The following IFNA2 variants were observed in gnomAD, a reference collection of about 807,000 sequenced individuals.
IFNA2 encodes interferon alpha-2.
For synonymous variants in IFNA2, 91 were observed against 80.7 expected (o/e 1.13, Z -0.68); for missense variants, 260 against 210.3 (o/e 1.24, Z -1.46).
Position 21,385,035 on chromosome 9 carries a change from A to T in IFNA2, c.295T>A (p.Trp99Arg). Residue 99 changes from tryptophan (W) to arginine (R), a missense_variant, in exon 1 of 1, where the codon TGG (tryptophan) becomes AGG (arginine). Physicochemically the swap from Trp to Arg is moderately radical, Grantham distance 101. Transcript: ENST00000380206. ...LFSTKDSSAA[W>R]DETLLDKFYT... ...AATTTGTCTAGGAGGGTCTCATCCC[A>T]AGCAGCAGATGAGTCCTTTGTGCTG... The T allele has an allele frequency of 6.2e-7, 1 of 1,613,968 alleles. No individual in the cohort carries two copies. The highest frequency in any genetic ancestry group is 8.5e-7 in the Non-Finnish European group (1 of 1,179,952).
Position 21,384,912 on chromosome 9 carries a change from G to A in IFNA2, c.418C>T (p.Leu140=). Residue 140 remains leucine (L), a synonymous_variant, in exon 1 of 1, where the codon CTG becomes TTG. Coordinates refer to ENST00000380206, the MANE Select transcript of IFNA2 (RefSeq NM_000605.4). ...CTTTGGAAGTATTTCCTCACAGCCA[G>A]AATGGAGTCCTCCTTCATCAGGGGA... ...ETPLMKEDSI[L]AVRKYFQRIT... The A allele has an allele frequency of 1.2e-6, 2 of 1,614,058 alleles. No homozygotes were observed. The highest frequency in any genetic ancestry group is 1.7e-6 in the Non-Finnish European group (2 of 1,179,974).
chr9:21,384,874 A>C, the IFNA2 span: 1 of 1,614,118 alleles, frequency 6.2e-7, no homozygotes, highest in Non-Finnish European at 8.5e-7. Context: ...TCTCTTTCAG[A>C]TAGAGAGTGA....
chr9:21,385,142 T>A lies in IFNA2; in HGVS notation c.188A>T (p.Gln63Leu), dbSNP rs1284620957. ...TTGGAACTGGTTGCCAAACTCCTCC[T>A]GGGGAAATCCAAAGTCATGTCTGTC... is the stretch of plus-strand genomic sequence containing the variant. ...LKDRHDFGFP[Q>L]EEFGNQFQKA... The change falls in exon 1 of 1, where the codon CAG becomes CTG. Residue 63 changes from glutamine (Q) to leucine (L), a missense_variant. Physicochemically the swap from Gln to Leu is moderately radical, Grantham distance 113 (BLOSUM62 -2). Coordinates refer to ENST00000380206, the MANE Select transcript of IFNA2 (RefSeq NM_000605.4). 6.2e-7 allele frequency: 1 copy of A among 1,614,016 alleles called. No homozygotes were observed. Among genetic ancestry groups the A allele is most frequent in the East Asian group, 2.2e-5 (1 of 44,860 alleles).
Position 21,385,175 on chromosome 9 carries a change from C to G in IFNA2, c.155G>C (p.Cys52Ser). 1 of 1,613,936 alleles carries G rather than the reference C, an allele frequency of 6.2e-7. No individual in the cohort carries two copies. Among genetic ancestry groups the G allele is most frequent in the Non-Finnish European group, 8.5e-7 (1 of 1,179,978 alleles). The change falls in exon 1 of 1, where the codon TGC becomes TCC. Residue 52 changes from cysteine (C) to serine (S), a missense_variant. Physicochemically the swap from Cys to Ser is moderately radical, Grantham distance 112 (BLOSUM62 -1). Transcript: ENST00000380206. ...AQMRRISLFS[C>S]LKDRHDFGFP... Reference sequence around the variant, plus strand: ...TCCAAAGTCATGTCTGTCCTTCAAGCAGGAGAAAAGAGAGATTCTCCTCAT... The same window carrying G: ...TCCAAAGTCATGTCTGTCCTTCAAGGAGGAGAAAAGAGAGATTCTCCTCAT...
chr9:21,384,741 C>G lies in IFNA2; in HGVS notation c.*22G>C, dbSNP rs1470289802. ...AGCTGGCATACGAATCAATGAAAAT[C>G]ATTTCCATGTTGAACCAGTTTTCAT... On this transcript the variant is annotated 3_prime_UTR_variant, in exon 1 of 1. Coordinates refer to ENST00000380206, the MANE Select transcript of IFNA2 (RefSeq NM_000605.4). The G allele has an allele frequency of 6.4e-7, 1 of 1,563,818 alleles. No homozygotes were observed. The highest frequency in any genetic ancestry group is 2.2e-5 in the East Asian group (1 of 44,532).
chr9:21,385,356 T>G lies in IFNA2; in HGVS notation c.-27A>C, dbSNP rs1185152968. On this transcript the variant is annotated 5_prime_UTR_variant, in exon 1 of 1. Coordinates refer to ENST00000380206, the MANE Select transcript of IFNA2 (RefSeq NM_000605.4). ...GTAGATGTTGCAGATGCTGCTAGAC[T>G]GGTTGAAATGGGTGAGCCTAAACCT... 1 of 1,562,536 alleles carries G rather than the reference T, an allele frequency of 6.4e-7. No individual in the cohort carries two copies. The highest frequency in any genetic ancestry group is 1.2e-5 in the South Asian group (1 of 83,246).
rs777400045 is a variant in IFNA2 at position 21,385,228 on chromosome 9, G to A, written c.102C>T (p.Ser34=). The change falls in exon 1 of 1, where the codon AGC becomes AGT. Residue 34 remains serine, a synonymous_variant. Transcript: ENST00000380206. ...GTGCCAGGAGCATCAAGGTCCTCCTGCTACCCAGGCTGTGGGTTTGAGGCA... is the reference window on the plus strand; with the variant it reads ...GTGCCAGGAGCATCAAGGTCCTCCTACTACCCAGGCTGTGGGTTTGAGGCA... The part of the protein sequence containing the change: ...CDLPQTHSLG[S]RRTLMLLAQM... The A allele has an allele frequency of 3.7e-6, 6 of 1,614,024 alleles. No individual in the cohort carries two copies. Among genetic ancestry groups the A allele is most frequent in the Admixed American group, 1.7e-5 (1 of 59,992 alleles).
chr9:21,385,331 G>A lies in IFNA2; in HGVS notation c.-2C>T. 1.2e-6 allele frequency: 2 copies of A among 1,606,678 alleles called. No homozygotes were observed. Among genetic ancestry groups the A allele is most frequent in the East Asian group, 2.2e-5 (1 of 44,878 alleles). ...CAGTAAAGCAAAGGTCAAGGCCATT[G>A]TAGATGTTGCAGATGCTGCTAGACT... On this transcript the variant is annotated 5_prime_UTR_variant, in exon 1 of 1. Transcript: ENST00000380206.
rs917629264 is a variant in IFNA2 at position 21,384,844 on chromosome 9, G to T, written c.486C>A (p.Ala162=). 1 of 1,613,992 alleles carries T rather than the reference G, an allele frequency of 6.2e-7. No individual in the cohort carries two copies. The highest frequency in any genetic ancestry group is 1.1e-5 in the South Asian group (1 of 91,062). The change falls in exon 1 of 1, where the codon GCC becomes GCA. Residue 162 remains alanine (A), a synonymous_variant. Coordinates refer to ENST00000380206, the MANE Select transcript of IFNA2 (RefSeq NM_000605.4). Reference sequence around the variant, plus strand: ...TGATTTCTGCTCTGACAACCTCCCAGGCACAAGGGCTGTATTTCTTCTCTT... The same window carrying T: ...TGATTTCTGCTCTGACAACCTCCCATGCACAAGGGCTGTATTTCTTCTCTT... The part of the protein sequence containing the change: ...YLKEKKYSPC[A]WEVVRAEIMR...
In IFNA2 at chr9:21,384,701, G is replaced by T. The variant is rs987046570; in HGVS notation, c.*62C>A. 4.2e-6 allele frequency: 6 copies of T among 1,444,836 alleles called. No homozygotes were observed. The highest frequency in any genetic ancestry group is 1.4e-5 in the African/African-American group (1 of 70,138). 89.5% of individuals were successfully genotyped at this position (1,444,836 alleles called of 1,614,324 possible). A position where few individuals can be genotyped will look rare whatever the true frequency, so the allele number is the denominator to read the frequency against. ...AGAAACATGAGTCTTTGAAATGGCA[G>T]ATCATAAAAAGGTGAGCTGGCATAC... is the stretch of plus-strand genomic sequence containing the variant. On this transcript the variant is annotated 3_prime_UTR_variant, in exon 1 of 1. Transcript: ENST00000380206.
chr9:21,385,108 T>G lies in IFNA2; in HGVS notation c.222A>C (p.Glu74Asp), dbSNP rs1431596530. 17 of 1,613,844 alleles carry G rather than the reference T, an allele frequency of 1.1e-5. No individual in the cohort carries two copies. Among genetic ancestry groups the G allele is most frequent in the Non-Finnish European group, 1.4e-5 (16 of 1,179,970 alleles). ...EEFGNQFQKA[E>D]TIPVLHEMIQ... ...TCATCTCATGGAGGACAGGGATGGT[T>G]TCAGCCTTTTGGAACTGGTTGCCAA... The change falls in exon 1 of 1, where the codon GAA becomes GAC. Residue 74 changes from glutamate (E) to aspartate (D), a missense_variant. By Grantham distance (45) the Glu-to-Asp change is conservative. Transcript: ENST00000380206.
Position 21,384,674 on chromosome 9 carries a change from G to A in IFNA2, c.*89C>T, listed in dbSNP as rs1820856098. On this transcript the variant is annotated 3_prime_UTR_variant, in exon 1 of 1. Transcript: ENST00000380206. ...AGATTTAAATCGTGTCATGGTCATA[G>A]CAGAAACATGAGTCTTTGAAATGGC... The A allele has an allele frequency of 4.7e-6, 6 of 1,289,648 alleles. No individual in the cohort carries two copies. The highest frequency in any genetic ancestry group is 2.0e-4 in the Middle Eastern group (1 of 5,012). 79.9% of individuals were successfully genotyped at this position (1,289,648 alleles called of 1,614,324 possible).
Position 21,384,936 on chromosome 9 carries a change from G to T in IFNA2, c.394C>A (p.Pro132Thr), listed in dbSNP as rs1446784148. 2 of 1,613,990 alleles carry T rather than the reference G, an allele frequency of 1.2e-6. No individual in the cohort carries two copies. Among genetic ancestry groups the T allele is most frequent in the African/African-American group, 1.3e-5 (1 of 74,998 alleles). ...AGAATGGAGTCCTCCTTCATCAGGG[G>T]AGTCTCTGTCACCCCCACCCCCTGT... ...VIQGVGVTET[P>T]LMKEDSILAV... Residue 132 changes from proline to threonine, a missense_variant, in exon 1 of 1, where the codon CCC becomes ACC. Coordinates refer to ENST00000380206, the MANE Select transcript of IFNA2 (RefSeq NM_000605.4).
chr9:21,385,388 C>T lies in IFNA2; in HGVS notation c.-59G>A. ...AATGGGTGAGCCTAAACCTTAGGCTCCAGGTTCTCTGAAGACCTTGCTTTG... is the reference window on the plus strand; with the variant it reads ...AATGGGTGAGCCTAAACCTTAGGCTTCAGGTTCTCTGAAGACCTTGCTTTG... On this transcript the variant is annotated 5_prime_UTR_variant, in exon 1 of 1. Transcript: ENST00000380206. The T allele has an allele frequency of 7.1e-7, 1 of 1,403,950 alleles. No individual in the cohort carries two copies. The allele number at this position is 1,403,950 out of a possible 1,614,324, so 87.0% of individuals were successfully genotyped here. A position where few individuals can be genotyped will look rare whatever the true frequency, so the allele number is the denominator to read the frequency against.
Position 21,384,917 on chromosome 9 carries a change from G to C in IFNA2, c.413C>G (p.Ser138Cys), listed in dbSNP as rs377274496. ...VTETPLMKEDSILAVRKYFQR... is the reference protein window; with the variant it reads ...VTETPLMKEDCILAVRKYFQR... ...GAAGTATTTCCTCACAGCCAGAATGGAGTCCTCCTTCATCAGGGGAGTCTC... is the reference window on the plus strand; with the variant it reads ...GAAGTATTTCCTCACAGCCAGAATGCAGTCCTCCTTCATCAGGGGAGTCTC... The change falls in exon 1 of 1, where the codon TCC (serine) becomes TGC (cysteine). Residue 138 changes from serine to cysteine, a missense_variant. Transcript: ENST00000380206. 8.7e-6 allele frequency: 14 copies of C among 1,613,842 alleles called. 1 individual carries two copies. The African/African-American group carries it at 1.9e-4, about 22-fold the overall frequency.
In IFNA2 at chr9:21,384,874, A is replaced by G. The variant is rs375760407; in HGVS notation, c.456T>C (p.Tyr152=). The change falls in exon 1 of 1, where the codon TAT becomes TAC. Residue 152 remains tyrosine, a synonymous_variant. Coordinates refer to ENST00000380206, the MANE Select transcript of IFNA2 (RefSeq NM_000605.4). ...AAGGGCTGTATTTCTTCTCTTTCAG[A>G]TAGAGAGTGATTCTTTGGAAGTATT... ...VRKYFQRITL[Y]LKEKKYSPCA... is the part of the protein sequence containing the mutation. 7 of 1,614,000 alleles carry G rather than the reference A, an allele frequency of 4.3e-6. No individual in the cohort carries two copies. In the African/African-American group the frequency reaches 5.3e-5, roughly 12 times the overall value.
chr9:21,385,090 A>T lies in IFNA2; in HGVS notation c.240T>A (p.His80Gln). The change falls in exon 1 of 1, where the codon CAT (histidine) becomes CAA (glutamine). Residue 80 changes from histidine (H) to glutamine (Q), a missense_variant. His to Gln is a conservative substitution (Grantham distance 24). Transcript: ENST00000380206. ...FQKAETIPVL[H>Q]EMIQQIFNLF... is the part of the protein sequence containing the mutation. ...GATTGAAGATCTGCTGGATCATCTC[A>T]TGGAGGACAGGGATGGTTTCAGCCT... The T allele has an allele frequency of 1.2e-6, 2 of 1,613,984 alleles. No homozygotes were observed. The highest frequency in any genetic ancestry group is 1.7e-6 in the Non-Finnish European group (2 of 1,179,974).
At position 21,384,701 on chromosome 9, in the gene IFNA2, G is replaced by A. The variant is rs987046570; in HGVS notation, c.*62C>T. ...AGAAACATGAGTCTTTGAAATGGCA[G>A]ATCATAAAAAGGTGAGCTGGCATAC... is the stretch of plus-strand genomic sequence containing the variant. On this transcript the variant is annotated 3_prime_UTR_variant, in exon 1 of 1. Coordinates refer to ENST00000380206, the MANE Select transcript of IFNA2 (RefSeq NM_000605.4). The A allele has an allele frequency of 6.9e-7, 1 of 1,444,954 alleles. No individual in the cohort carries two copies. Among genetic ancestry groups the A allele is most frequent in the East Asian group, 2.3e-5 (1 of 43,586 alleles). 89.5% of individuals were successfully genotyped at this position (1,444,954 alleles called of 1,614,324 possible). A position where few individuals can be genotyped will look rare whatever the true frequency, so the allele number is the denominator to read the frequency against.
chr9:21,384,608 C>A lies in IFNA2; in HGVS notation c.*155G>T. 1.4e-6 allele frequency: 1 copy of A among 692,064 alleles called. No individual in the cohort carries two copies. Among genetic ancestry groups the A allele is most frequent in the Non-Finnish European group, 2.2e-6 (1 of 447,054 alleles). The allele number at this position is 692,064 out of a possible 1,614,324, so 42.9% of individuals were successfully genotyped here. A position where few individuals can be genotyped will look rare whatever the true frequency, so the allele number is the denominator to read the frequency against. On this transcript the variant is annotated 3_prime_UTR_variant, in exon 1 of 1. Transcript: ENST00000380206. ...CTGTAAGGGACTAGTGCCTTAAGAG[C>A]TGAATACAATGTTGATTAATACTCC...
Sources: gnomAD v4.1 joint callset for allele counts on GRCh38, gnomAD v4.1.1 for gene constraint, MANE v1.5 for transcripts, NCBI Gene and HGNC (gene_info 2026-07-23, HGNC 2026-07-21) for gene names.